The following MYO3B variants were observed in gnomAD, a reference collection of about 807,000 sequenced individuals.
The protein encoded by MYO3B is myosin-IIIb.
Under a neutral mutation model 174.6 loss-of-function variants are expected in MYO3B, and 156 were observed. That is an observed-to-expected ratio of 0.89 (90% CI 0.78 to 1.02). The LOEUF is 1.02. Ranked by LOEUF, MYO3B falls within the 50% of genes least tolerant of loss-of-function variation. MYO3B has a pLI of 0.00. For synonymous variants in MYO3B, 563 were observed against 569.1 expected (o/e 0.99, Z 0.15); for missense variants, 1,632 against 1,639.4 (o/e 1.00, Z 0.08).
intron 7 of MYO3B, among the ~76,000 whole-genome samples, chr2:170,328,065 C>A (rs1319575229): frequency 6.6e-6 from 1 of 151,818 alleles, no homozygotes; most frequent in Admixed American, 6.6e-5. Flanking sequence ...CCATGCCTGG[C>A]TAAGTGTTGT....
intron 25 of MYO3B, among the ~76,000 whole-genome samples, chr2:170,478,247 G>A (rs1300078077): frequency 1.3e-5 from 2 of 152,044 alleles, no homozygotes; most frequent in Non-Finnish European, 2.9e-5. Context: ...CATTTAGCCA[G>A]GGAGAAGTGA....
chr2:170,502,013 T>A lies in MYO3B; in HGVS notation c.3370+148T>A, dbSNP rs140383465. 841 of 601,124 alleles carry A rather than the reference T, an allele frequency of 1.4e-3. 7 individuals are homozygous for A. In the African/African-American group the frequency reaches 0.015, roughly 10 times the overall value. The allele number at this position is 601,124 out of a possible 1,614,324, so 37.2% of individuals were successfully genotyped here. A position where few individuals can be genotyped will look rare whatever the true frequency, so the allele number is the denominator to read the frequency against. On this transcript the variant is annotated intron_variant, in intron 28 of 34. Transcript: ENST00000408978. ...GACAGGAGTCCTAGTGTTCTGACCC[T>A]CCTTGTGTGATAACTATGATGCTAA...
chr2:170,526,010 A>G (rs1369190333), intron 30 of MYO3B, among the ~76,000 whole-genome samples: 1 of 152,216 alleles, frequency 6.6e-6, no homozygotes, highest in East Asian at 1.9e-4. Context: ...TGGCAGCATG[A>G]TGTGGGAGTG....
intron 18 of MYO3B, among the ~76,000 whole-genome samples, chr2:170,402,416 C>T (rs2105799363): frequency 6.6e-6 from 1 of 152,228 alleles, no homozygotes; most frequent in South Asian, 2.1e-4. Flanking sequence ...ACTTCTTCAA[C>T]TACTTTTCCT....
chr2:170,261,729 A>G (rs758092910), intron 7 of MYO3B, among the ~76,000 whole-genome samples: 2 of 152,194 alleles, frequency 1.3e-5, no homozygotes, highest in Non-Finnish European at 2.9e-5. Context: ...ATTGTTTCGC[A>G]TTGTTTCATG....
At chr2:170,328,534 G>A (rs2093886432) in intron 7 of MYO3B, among the ~76,000 whole-genome samples, 1 of 152,140 alleles carries the variant, frequency 6.6e-6, no homozygotes, top group Admixed American at 6.5e-5. Context: ...TTGCATTCAA[G>A]TTTCTTGGAA....
intron 22 of MYO3B, among the ~76,000 whole-genome samples, chr2:170,440,517 T>C (rs1300809708): frequency 6.6e-6 from 1 of 152,190 alleles, no homozygotes; most frequent in Non-Finnish European, 1.5e-5. Context: ...TTTATTCCTA[T>C]TATATTTTGA....
intron 23 of MYO3B, among the ~76,000 whole-genome samples, chr2:170,453,492 A>C (rs1354802380): frequency 6.6e-6 from 1 of 151,500 alleles, no homozygotes; most frequent in East Asian, 1.9e-4. Context: ...CCAACTGACC[A>C]GAAACCTGGC....
intron 19 of MYO3B, 60 bp downstream of exon 19, chr2:170,403,055 A>G (rs1262000647): frequency 1.3e-6 from 2 of 1,500,528 alleles, no homozygotes; most frequent in Non-Finnish European, 1.8e-6. Flanking sequence ...CAAGCTGCCC[A>G]CAATTTGTAG....
At chr2:170,576,074 C>A (rs932125073) in intron 32 of MYO3B, among the ~76,000 whole-genome samples, 6 of 152,164 alleles carry the variant, frequency 3.9e-5, no homozygotes, top group African/African-American at 1.4e-4. Context: ...AGTGCTCTTT[C>A]TTTAAAGAAT....
At chr2:170,587,553 G>A (rs1457773358) in intron 32 of MYO3B, among the ~76,000 whole-genome samples, 1 of 152,252 alleles carries the variant, frequency 6.6e-6, no homozygotes, top group African/African-American at 2.4e-5. Context: ...CAAGAGCAAA[G>A]TGATGGAAGT....
At chr2:170,433,561 A>G (rs2094727975) in intron 22 of MYO3B, among the ~76,000 whole-genome samples, 1 of 152,242 alleles carries the variant, frequency 6.6e-6, no homozygotes, top group Non-Finnish European at 1.5e-5. Flanking sequence ...GCCTAGTAAT[A>G]AACCTTATCA....
rs528957066 is a variant in MYO3B at position 170,601,586 on chromosome 2, G to C, written c.3734-50042G>C. 242 of 1,094,732 alleles carry C rather than the reference G, an allele frequency of 2.2e-4. 1 individual carries two copies. The highest frequency in any genetic ancestry group is 8.4e-5 in the Non-Finnish European group (61 of 725,682). The allele number at this position is 1,094,732 out of a possible 1,614,324, so 67.8% of individuals were successfully genotyped here. A position where few individuals can be genotyped will look rare whatever the true frequency, so the allele number is the denominator to read the frequency against. ...GGGGGTTAAATGCTTTATAGACAAGGAAAAAAACTAGGCTAGAACCAACTT... is the reference window on the plus strand; with the variant it reads ...GGGGGTTAAATGCTTTATAGACAAGCAAAAAAACTAGGCTAGAACCAACTT... On this transcript the variant is annotated intron_variant, in intron 32 of 34. Coordinates refer to ENST00000408978, the MANE Select transcript of MYO3B (RefSeq NM_138995.5).
chr2:170,423,860 T>C (rs982120658), intron 22 of MYO3B, among the ~76,000 whole-genome samples: 1 of 152,242 alleles, frequency 6.6e-6, no homozygotes, highest in Non-Finnish European at 1.5e-5. Flanking sequence ...ATCATAGGCA[T>C]GAGCCACCGT....
At chr2:170,584,139 T>C (rs1022640984) in intron 32 of MYO3B, among the ~76,000 whole-genome samples, 2 of 152,240 alleles carry the variant, frequency 1.3e-5, no homozygotes, top group Non-Finnish European at 2.9e-5. Flanking sequence ...GCCAATTAAA[T>C]GAATCTGAAT....
At position 170,354,276 on chromosome 2, in the gene MYO3B, T is replaced by C. The variant is rs77938183; in HGVS notation, c.816-14946T>C. Among the ~76,000 whole-genome samples, 5 of 152,220 alleles carry C rather than the reference T, an allele frequency of 3.3e-5. No individual in the cohort carries two copies. The East Asian group carries it at 9.6e-4, about 29-fold the overall frequency. On this transcript the variant is annotated intron_variant, in intron 8 of 34. Transcript: ENST00000408978. ...TTGTCATCAGTTCTGGTTCCTTTTT[T>C]TTGTTCTGTTTTGTTTTTCTTTCCC...
intron 25 of MYO3B, among the ~76,000 whole-genome samples, chr2:170,477,792 A>G (rs550950496): frequency 7.9e-5 from 12 of 151,494 alleles, no homozygotes; most frequent in African/African-American, 2.9e-4. Flanking sequence ...GGAGGCGGGG[A>G]ATTACCCAAG....
At chr2:170,356,936 G>C (rs4667637) in intron 8 of MYO3B, among the ~76,000 whole-genome samples, 130,429 of 151,836 alleles carry the variant, frequency 0.86, 56,482 homozygotes, top group Admixed American at 0.92. Context: ...CACCACCACG[G>C]CCCCCTGATT....
At chr2:170,586,392 T>A (rs888145398) in intron 32 of MYO3B, among the ~76,000 whole-genome samples, 1 of 152,222 alleles carries the variant, frequency 6.6e-6, no homozygotes, top group Non-Finnish European at 1.5e-5. Flanking sequence ...CAACGTGATT[T>A]ATGTGTTTTT....
Sources: gnomAD v4.1 joint callset for allele counts (sites outside exome capture counted in the v4.1 genomes callset) on GRCh38, gnomAD v4.1.1 for gene constraint, MANE v1.5 for transcripts, NCBI Gene and HGNC (gene_info 2026-07-23, HGNC 2026-07-21) for gene names.